The following AHR variants were observed in gnomAD, a reference collection of about 807,000 sequenced individuals.
AHR encodes aryl hydrocarbon receptor.
In AHR, 40 loss-of-function variants were observed where a neutral mutation model predicts 86.8. That is an observed-to-expected ratio of 0.46 (90% CI 0.36 to 0.60). The LOEUF is 0.60. Among genes scored for constraint, AHR ranks in the 20% least tolerant of loss-of-function variants. The pLI is 0.00. For synonymous variants in AHR, 398 were observed against 354.9 expected, an observed-to-expected ratio of 1.12 and a Z score of -1.37; for missense variants, 1,001 against 1,011.6, an observed-to-expected ratio of 0.99 and a Z score of 0.14.
At chr7:17,327,871 A>T (rs199732035) in intron 4 of AHR, 23 bp downstream of exon 4, 1 of 1,042,722 alleles carries the variant, frequency 9.6e-7, no homozygotes, top group Non-Finnish European at 1.3e-6. Flanking sequence ...TATTTATATC[A>T]TTTATATTAT....
intron 1 of AHR, among the ~76,000 whole-genome samples, chr7:17,304,601 T>G (rs1423952255): frequency 6.6e-6 from 1 of 152,152 alleles, no homozygotes; most frequent in Non-Finnish European, 1.5e-5. Flanking sequence ...CTTGCCTGTA[T>G]TTAAGACCCG....
intron 7 of AHR, among the ~76,000 whole-genome samples, chr7:17,334,367 A>G (rs1241033745): frequency 6.6e-6 from 1 of 151,958 alleles, no homozygotes; most frequent in African/African-American, 2.4e-5. Context: ...TTCTGATGAC[A>G]TTTATGTTGG....
At chr7:17,315,873 T>C (rs1782110338) in intron 2 of AHR, among the ~76,000 whole-genome samples, 1 of 152,118 alleles carries the variant, frequency 6.6e-6, no homozygotes, top group Non-Finnish European at 1.5e-5. Context: ...AATGAGTAAC[T>C]CAAATTCGTT....
chr7:17,323,444 G>T (rs1286018476), intron 3 of AHR, among the ~76,000 whole-genome samples: 1 of 151,962 alleles, frequency 6.6e-6, no homozygotes, highest in Non-Finnish European at 1.5e-5. Context: ...GTCTATGAAA[G>T]CATTTTGCAT....
chr7:17,322,555 C>G lies in AHR; in HGVS notation c.308C>G (p.Ala103Gly). 1.2e-6 allele frequency: 2 copies of G among 1,612,982 alleles called. No homozygotes were observed. The highest frequency in any genetic ancestry group is 1.7e-6 in the Non-Finnish European group (2 of 1,179,232). The change falls in exon 3 of 11, where the codon GCA (alanine) becomes GGA (glycine). Residue 103 changes from alanine (A) to glycine (G), a missense_variant. By Grantham distance (60) the Ala-to-Gly change is moderately conservative (BLOSUM62 0). This residue lies in a region of AHR where 394 missense variants were observed against 468.5 expected (regional missense o/e 0.84). Coordinates refer to ENST00000242057, the MANE Select transcript of AHR (RefSeq NM_001621.5). ...ERNGGQDNCR[A>G]ANFREGLNLQ... ...AACGGAGGCCAGGATAACTGTAGAG[C>G]AGCAAATTTCAGAGAAGGCCTGAAC...
intron 2 of AHR, among the ~76,000 whole-genome samples, chr7:17,310,931 T>A (rs770992478): frequency 2.6e-5 from 4 of 152,228 alleles, no homozygotes; most frequent in Non-Finnish European, 5.9e-5. Flanking sequence ...TAAGAGTCAA[T>A]AGAATTTGAT....
intron 10 of AHR, among the ~76,000 whole-genome samples, chr7:17,342,369 T>A (rs1782435437): frequency 6.6e-6 from 1 of 152,192 alleles, no homozygotes; most frequent in Admixed American, 6.5e-5. Context: ...CTTTCAGTAG[T>A]ATTCATTAAT....
intron 10 of AHR, among the ~76,000 whole-genome samples, chr7:17,342,002 C>G (rs1241208229): frequency 6.6e-6 from 1 of 152,056 alleles, no homozygotes; most frequent in East Asian, 1.9e-4. Context: ...TGTTGCCATT[C>G]ATTGAAGATA....
intron 2 of AHR, among the ~76,000 whole-genome samples, chr7:17,318,204 G>A (rs1051494485): frequency 1.7e-4 from 26 of 151,996 alleles, no homozygotes; most frequent in African/African-American, 4.3e-4. Flanking sequence ...ACCACTATTC[G>A]GTATTCCTCA....
At chr7:17,317,627 C>T (rs1220343222) in intron 2 of AHR, among the ~76,000 whole-genome samples, 1 of 152,064 alleles carries the variant, frequency 6.6e-6, no homozygotes, top group African/African-American at 2.4e-5. Flanking sequence ...AGAATGGCAC[C>T]TCATTCTCAG....
chr7:17,325,399 A>G (rs1288963149), intron 3 of AHR, among the ~76,000 whole-genome samples: 1 of 152,234 alleles, frequency 6.6e-6, no homozygotes, highest in Non-Finnish European at 1.5e-5. Context: ...GTTCTACAAA[A>G]TAATATGAAT....
At chr7:17,299,356 G>T (rs745966469) in intron 1 of AHR, 27 bp downstream of exon 1, 1 of 1,608,860 alleles carries the variant, frequency 6.2e-7, no homozygotes, top group Non-Finnish European at 8.5e-7. Context: ...CGTCCTCATC[G>T]CGGGGGCTGG....
At chr7:17,337,491 T>C (rs1782366309) in intron 9 of AHR, among the ~76,000 whole-genome samples, 1 of 150,476 alleles carries the variant, frequency 6.6e-6, no homozygotes, top group Non-Finnish European at 1.5e-5. Flanking sequence ...TTTTTTTTTT[T>C]TGAGATGGAG....
At chr7:17,338,373 T>C (rs1182167535) in intron 9 of AHR, among the ~76,000 whole-genome samples, 1 of 152,136 alleles carries the variant, frequency 6.6e-6, no homozygotes, top group Non-Finnish European at 1.5e-5. Flanking sequence ...TTATTATTTT[T>C]GAGACAGGAT....
chr7:17,308,962 C>T (rs947901089), intron 1 of AHR, among the ~76,000 whole-genome samples: 5 of 152,200 alleles, frequency 3.3e-5, no homozygotes, highest in African/African-American at 1.2e-4. Flanking sequence ...TAGATAATTA[C>T]TCTTCTGGCT....
chr7:17,310,080 T>C lies in AHR; in HGVS notation c.210T>C (p.Leu70=), dbSNP rs1190805372. The change falls in exon 2 of 11, where the codon CTT becomes CTC. Residue 70 remains leucine (L), a synonymous_variant. Transcript: ENST00000242057. ...VINKLDKLSV[L]RLSVSYLRAK... ...ATAAGTTGGACAAACTTTCAGTTCT[T>C]AGGCTCAGCGTCAGTTACCTGAGAG... The C allele has an allele frequency of 6.2e-7, 1 of 1,614,036 alleles. No homozygotes were observed. The highest frequency in any genetic ancestry group is 8.5e-7 in the Non-Finnish European group (1 of 1,179,922).
intron 2 of AHR, among the ~76,000 whole-genome samples, chr7:17,321,105 A>G (rs1782167934): frequency 6.6e-6 from 1 of 152,108 alleles, no homozygotes; most frequent in Non-Finnish European, 1.5e-5. Flanking sequence ...ATATAGTGAG[A>G]TAAATGTTAA....
chr7:17,324,907 C>G (rs953371062), intron 3 of AHR, among the ~76,000 whole-genome samples: 2 of 152,040 alleles, frequency 1.3e-5, no homozygotes, highest in African/African-American at 4.8e-5. Flanking sequence ...ATAACTGTGT[C>G]TTTATTTACT....
intron 2 of AHR, among the ~76,000 whole-genome samples, chr7:17,315,494 C>G (rs1331668673): frequency 6.6e-6 from 1 of 151,750 alleles, no homozygotes; most frequent in East Asian, 1.9e-4. Flanking sequence ...TGATCATTAC[C>G]TAGTCTTGCA....
Sources: allele counts gnomAD v4.1 joint callset (sites outside exome capture counted in the v4.1 genomes callset), GRCh38; gene constraint gnomAD v4.1.1; regional missense constraint gnomAD v4.1.1; transcripts MANE v1.5; gene names NCBI Gene and HGNC (gene_info 2026-07-23, HGNC 2026-07-21).